Variants in ATP6V0A4 observed in about 807,000 individuals in gnomAD.
The protein encoded by ATP6V0A4 is V-type proton ATPase 116 kDa subunit a 4.
In ATP6V0A4, 86 loss-of-function variants were observed where a neutral mutation model predicts 107.3. The observed-to-expected ratio is 0.80, with a 90% confidence interval of 0.67 to 0.96. The LOEUF (loss-of-function observed/expected upper bound fraction) is 0.96. Ranked by LOEUF, ATP6V0A4 falls within the 40% of genes least tolerant of loss-of-function variation. The pLI, the probability that ATP6V0A4 is intolerant of heterozygous loss-of-function variation, is 0.00. For missense variants in ATP6V0A4, 908 were observed against 1,045.6 expected (o/e 0.87, Z 1.81); for synonymous variants, 353 against 381.4 (o/e 0.93, Z 0.87).
In ATP6V0A4 at chr7:138,756,517, T is replaced by C. The variant is rs1806521521; in HGVS notation, c.663A>G (p.Ile221Met). 3 of 1,606,742 alleles carry C rather than the reference T, an allele frequency of 1.9e-6. No homozygotes were observed. The African/African-American group carries it at 4.0e-5, about 22-fold the overall frequency. ...PVTKEEIQKNIFIIFYQGEQL... is the reference protein window; with the variant it reads ...PVTKEEIQKNMFIIFYQGEQL... Reference sequence around the variant, plus strand: ...GCTCTCCTTGGTAAAATATGATGAATATGTTCTTCTGAATTTCTTCTTTCT... The same window carrying C: ...GCTCTCCTTGGTAAAATATGATGAACATGTTCTTCTGAATTTCTTCTTTCT... The change falls in exon 9 of 22, where the codon ATA becomes ATG. Residue 221 changes from isoleucine (I) to methionine (M), a missense_variant. Coordinates refer to ENST00000310018, the MANE Select transcript of ATP6V0A4 (RefSeq NM_020632.3).
chr7:138,767,540 T>C (rs1036761833), intron 5 of ATP6V0A4, among the ~76,000 whole-genome samples: 10 of 151,366 alleles, frequency 6.6e-5, no homozygotes, highest in Non-Finnish European at 1.2e-4. Context: ...TATGATAAGG[T>C]CCAAAATATT....
At chr7:138,764,243 G>A (rs1344426062) in intron 5 of ATP6V0A4, among the ~76,000 whole-genome samples, 1 of 151,862 alleles carries the variant, frequency 6.6e-6, no homozygotes, top group Non-Finnish European at 1.5e-5. Context: ...AGATGGAGGA[G>A]GGGTGAGGAG....
intron 1 of ATP6V0A4, among the ~76,000 whole-genome samples, chr7:138,793,694 A>G (rs1288369190): frequency 6.6e-6 from 1 of 152,216 alleles, no homozygotes; most frequent in Non-Finnish European, 1.5e-5. Flanking sequence ...TAAGCTACAA[A>G]TCAATAACAA....
intron 11 of ATP6V0A4, 73 bp from the exon 12 acceptor site, chr7:138,749,390 A>C: frequency 1.3e-6 from 2 of 1,565,922 alleles, no homozygotes; most frequent in Non-Finnish European, 1.7e-6. Flanking sequence ...CAAAGGTCAC[A>C]GTCCCAGCTC....
chr7:138,748,382 A>G (rs1271287193), intron 12 of ATP6V0A4, among the ~76,000 whole-genome samples: 1 of 151,922 alleles, frequency 6.6e-6, no homozygotes, highest in Non-Finnish European at 1.5e-5. Flanking sequence ...GATAAAGGGT[A>G]TCTGGTCTAT....
At position 138,718,577 on chromosome 7, in the gene ATP6V0A4, CATGGGGCGGAATGGGGAGGA is replaced by C. The variant is rs1269367094; in HGVS notation, c.2140-2716_2140-2697del. On this transcript the variant is annotated intron_variant, in intron 19 of 21. Transcript: ENST00000310018. ...CTGCGGAGGGAGACATCCGGAGAGG[CATGGGGCGGAATGGGGAGGA>C]ATGGGGAGGAATGGGGAGGAATGGG... is the stretch of plus-strand genomic sequence containing the variant. 2.4e-4 allele frequency among the ~76,000 whole-genome samples: 10 copies of C among 41,208 alleles called. 1 individual carries two copies. Among genetic ancestry groups the C allele is most frequent in the South Asian group, 9.4e-4 (1 of 1,068 alleles). 27.0% of individuals were successfully genotyped at this position (41,208 alleles called of 152,430 possible). A position where few individuals can be genotyped will look rare whatever the true frequency, so the allele number is the denominator to read the frequency against.
At chr7:138,756,657 G>A in intron 8 of ATP6V0A4, 117 bp from the exon 9 acceptor site, 1 of 1,359,662 alleles carries the variant, frequency 7.4e-7, no homozygotes, top group Non-Finnish European at 1.0e-6. Context: ...TTTAAAACTG[G>A]GAAACTGTAA....
At chr7:138,758,366 G>T (rs565554487) in intron 8 of ATP6V0A4, among the ~76,000 whole-genome samples, 1 of 152,058 alleles carries the variant, frequency 6.6e-6, no homozygotes, top group Non-Finnish European at 1.5e-5. Context: ...GAGTGATGGG[G>T]TTTCTCATTT....
At chr7:138,776,713 T>C (rs1237475513) in intron 2 of ATP6V0A4, among the ~76,000 whole-genome samples, 2 of 152,202 alleles carry the variant, frequency 1.3e-5, no homozygotes, top group Non-Finnish European at 2.9e-5. Context: ...ACGTACCTAA[T>C]GGTTAAGAGC....
chr7:138,741,203 G>A (rs1022405634), intron 14 of ATP6V0A4, among the ~76,000 whole-genome samples: 1 of 152,136 alleles, frequency 6.6e-6, no homozygotes, highest in African/African-American at 2.4e-5. Flanking sequence ...ACAGCAGACA[G>A]TCTTGACAGG....
intron 3 of ATP6V0A4, 107 bp downstream of exon 3, chr7:138,771,024 C>T (rs772681099): frequency 1.3e-5 from 15 of 1,127,272 alleles, no homozygotes; most frequent in Non-Finnish European, 1.7e-5. Flanking sequence ...CAGCTCACGG[C>T]TCCTCTCCCT....
Position 138,739,640 on chromosome 7 carries a change from A to G in ATP6V0A4, c.1479-7T>C, listed in dbSNP as rs768044345. The G allele has an allele frequency of 8.7e-6, 14 of 1,613,916 alleles. No homozygotes were observed. The highest frequency in any genetic ancestry group is 1.2e-5 in the Non-Finnish European group (14 of 1,179,998). ...TTCCTCCATTACATGAGTACTTTAG[A>G]GGGAGAAAAGGAGAAAAACAAACAA... On this transcript the variant is annotated splice_region_variant and splice_polypyrimidine_tract_variant and intron_variant, in intron 14 of 21. Coordinates refer to ENST00000310018, the MANE Select transcript of ATP6V0A4 (RefSeq NM_020632.3).
At chr7:138,767,736 G>A (rs150669853) in intron 5 of ATP6V0A4, among the ~76,000 whole-genome samples, 1,751 of 151,328 alleles carry the variant, frequency 0.012, 18 homozygotes, top group Non-Finnish European at 0.018. Flanking sequence ...TTCCACTGCC[G>A]AGGATAAAAT....
At chr7:138,795,068 T>C (rs1808593920) in intron 1 of ATP6V0A4, among the ~76,000 whole-genome samples, 1 of 152,060 alleles carries the variant, frequency 6.6e-6, no homozygotes, top group African/African-American at 2.4e-5. Context: ...TGGCTAATAT[T>C]TCTGAATTTT....
rs1805131181 is a variant in ATP6V0A4, at chr7:138,733,383, T to C, written c.1692-290A>G. 2.6e-5 allele frequency among the ~76,000 whole-genome samples: 4 copies of C among 151,988 alleles called. No homozygotes were observed. The South Asian group carries it at 8.3e-4, about 32-fold the overall frequency. The stretch of plus-strand genomic sequence containing the variant: ...GGTCATGCCCACACAGAGAGGGTGG[T>C]GATCTGACTACAGCTTCGCATGCAG... On this transcript the variant is annotated intron_variant, in intron 16 of 21. Coordinates refer to ENST00000310018, the MANE Select transcript of ATP6V0A4 (RefSeq NM_020632.3).
rs746508351 is a variant in ATP6V0A4 at position 138,798,119 on chromosome 7, C to T, written c.-206G>A. On this transcript the variant is annotated 5_prime_UTR_variant, in exon 1 of 22. Transcript: ENST00000310018. ...CAGCCTCCAGCATGCAGCGCCTCCCCGCTGCCACCCGGGCCACCCTGATCC... is the reference window on the plus strand; with the variant it reads ...CAGCCTCCAGCATGCAGCGCCTCCCTGCTGCCACCCGGGCCACCCTGATCC... The T allele has an allele frequency of 2.1e-5, 33 of 1,599,864 alleles. No individual in the cohort carries two copies. Among genetic ancestry groups the T allele is most frequent in the African/African-American group, 2.7e-5 (2 of 74,682 alleles).
At chr7:138,740,871 G>A (rs771265322) in intron 14 of ATP6V0A4, among the ~76,000 whole-genome samples, 4 of 151,760 alleles carry the variant, frequency 2.6e-5, no homozygotes, top group East Asian at 3.9e-4. Context: ...GGCCTGGTAC[G>A]GTGGCTCATG....
At chr7:138,753,805 A>G (rs1272901038) in intron 10 of ATP6V0A4, among the ~76,000 whole-genome samples, 3 of 152,142 alleles carry the variant, frequency 2.0e-5, no homozygotes, top group Non-Finnish European at 4.4e-5. Flanking sequence ...GGGGATTTCC[A>G]GGAGACAAGA....
rs771330173 is a variant in ATP6V0A4 at position 138,747,586 on chromosome 7, C to T, written c.1181-22G>A. ...GGGGCTGCGGAGGGGAGACACACAACGCCTGAGGCCTCAGCACAGCCTCGG... is the reference window on the plus strand; with the variant it reads ...GGGGCTGCGGAGGGGAGACACACAATGCCTGAGGCCTCAGCACAGCCTCGG... On this transcript the variant is annotated intron_variant, in intron 12 of 21. Coordinates refer to ENST00000310018, the MANE Select transcript of ATP6V0A4 (RefSeq NM_020632.3). 3.2e-5 allele frequency: 52 copies of T among 1,613,032 alleles called. 1 individual carries two copies. The highest frequency in any genetic ancestry group is 5.3e-5 in the African/African-American group (4 of 74,874).
Sources: allele counts gnomAD v4.1 joint callset (sites outside exome capture counted in the v4.1 genomes callset), GRCh38; gene constraint gnomAD v4.1.1; transcripts MANE v1.5; gene names NCBI Gene and HGNC (gene_info 2026-07-23, HGNC 2026-07-21).